Variants in SEMA6D observed in about 807,000 individuals in gnomAD.
SEMA6D encodes the protein semaphorin-6D.
A neutral mutation model predicts 106.6 loss-of-function variants in SEMA6D; 35 were observed. That is an observed-to-expected ratio of 0.33 (90% CI 0.25 to 0.44). The LOEUF (loss-of-function observed/expected upper bound fraction) is 0.44. Ranked by LOEUF, SEMA6D falls within the 20% of genes least tolerant of loss-of-function variation. The pLI is 1.00. For missense variants in SEMA6D, 1,185 were observed against 1,345.9 expected, an observed-to-expected ratio of 0.88 and a Z score of 1.87; for synonymous variants, 499 against 487.7, an observed-to-expected ratio of 1.02 and a Z score of -0.31.
chr15:47,295,969 C>T (rs77592828), intron 1 of SEMA6D, among the ~76,000 whole-genome samples: 1,815 of 152,264 alleles, frequency 0.012, 45 homozygotes, highest in African/African-American at 0.042. Flanking sequence ...GCTCTTCTGC[C>T]AGCTCCCAGA....
intron 1 of SEMA6D, among the ~76,000 whole-genome samples, chr15:47,754,953 ATTT>A (rs11435743): frequency 2.2e-5 from 3 of 136,374 alleles, no homozygotes; most frequent in Non-Finnish European, 3.1e-5. Flanking sequence ...TTTGTTGTTG[ATTT>A]TTTTTTTTTT....
intron 3 of SEMA6D, among the ~76,000 whole-genome samples, chr15:47,563,336 C>T (rs2046134368): frequency 6.6e-6 from 1 of 152,124 alleles, no homozygotes; most frequent in African/African-American, 2.4e-5. Context: ...CATTAAAATT[C>T]AAGAAAACAA....
intron 1 of SEMA6D, among the ~76,000 whole-genome samples, chr15:47,757,183 G>T (rs906195350): frequency 6.6e-6 from 1 of 152,176 alleles, no homozygotes. Flanking sequence ...CTGGGACATG[G>T]ATGTTCTGCT....
chr15:47,773,014 A>G lies in SEMA6D; in HGVS notation c.*1229A>G, dbSNP rs906000935. The G allele has an allele frequency of 2.6e-5, 4 of 152,580 alleles. No individual in the cohort carries two copies. The highest frequency in any genetic ancestry group is 5.9e-5 in the Non-Finnish European group (4 of 68,026). 9.5% of individuals were successfully genotyped at this position (152,580 alleles called of 1,614,324 possible). On this transcript the variant is annotated 3_prime_UTR_variant, in exon 19 of 19. Transcript: ENST00000536845. ...TTATGTGAGAATTTTCTCCTAAGTCATGCAGGTAATGACAATATACTGTAA... is the reference window on the plus strand; with the variant it reads ...TTATGTGAGAATTTTCTCCTAAGTCGTGCAGGTAATGACAATATACTGTAA...
chr15:47,586,386 T>C (rs995746875), intron 3 of SEMA6D, among the ~76,000 whole-genome samples: 2 of 152,182 alleles, frequency 1.3e-5, no homozygotes, highest in Non-Finnish European at 2.9e-5. Flanking sequence ...GAAATCATGG[T>C]CTTGCTTCAT....
rs868077956 is a variant in SEMA6D, at chr15:47,717,916, T to A, written c.-55+224T>A. ...AGTTGATTTATTTTCCAAGCTGCTCTCTCTGCCTGCCGTGCAAGGGACGCG... is the reference window on the plus strand; with the variant it reads ...AGTTGATTTATTTTCCAAGCTGCTCACTCTGCCTGCCGTGCAAGGGACGCG... On this transcript the variant is annotated intron_variant, in intron 1 of 18. Coordinates refer to ENST00000536845, the MANE Select transcript of SEMA6D (RefSeq NM_001358351.3). 3.1e-4 allele frequency among the ~76,000 whole-genome samples: 47 copies of A among 151,834 alleles called. 1 individual carries two copies. In the Middle Eastern group the frequency reaches 0.014, roughly 44 times the overall value.
rs1229920531 is a variant in SEMA6D, at chr15:47,774,144, AT to A, written c.*2361del. 3 of 152,632 alleles carry A rather than the reference AT, an allele frequency of 2.0e-5. No homozygotes were observed. The highest frequency in any genetic ancestry group is 4.4e-5 in the Non-Finnish European group (3 of 68,032). 9.5% of individuals were successfully genotyped at this position (152,632 alleles called of 1,614,324 possible). Reference sequence around the variant, plus strand: ...ATGAATAGATACCTTGTAAACTTGTATTGTGGATGTGTAAATAATATGTACT... The same window carrying A: ...ATGAATAGATACCTTGTAAACTTGTATGTGGATGTGTAAATAATATGTACT... On this transcript the variant is annotated 3_prime_UTR_variant, in exon 19 of 19. Transcript: ENST00000536845.
chr15:47,494,789 T>A (rs7165235), intron 3 of SEMA6D, among the ~76,000 whole-genome samples: 103 of 88,862 alleles, frequency 1.2e-3, no homozygotes, highest in African/African-American at 4.7e-3. Context: ...TATATATATA[T>A]AATCTCCAGA....
At chr15:47,487,992 G>A (rs1423573790) in intron 3 of SEMA6D, among the ~76,000 whole-genome samples, 1 of 152,082 alleles carries the variant, frequency 6.6e-6, no homozygotes, top group African/African-American at 2.4e-5. Flanking sequence ...ATTTATTGAA[G>A]AACTGTCTTT....
chr15:47,446,583 G>T (rs1397189284), intron 2 of SEMA6D, among the ~76,000 whole-genome samples: 2 of 152,124 alleles, frequency 1.3e-5, no homozygotes, highest in African/African-American at 4.8e-5. Context: ...TCAATCTGGT[G>T]TAAAGCGGGT....
intron 4 of SEMA6D, among the ~76,000 whole-genome samples, chr15:47,624,925 G>A (rs1269464462): frequency 6.6e-6 from 1 of 152,144 alleles, no homozygotes; most frequent in Admixed American, 6.5e-5. Context: ...CTGGAGAAGG[G>A]AATTATTGTT....
chr15:47,216,730 C>T (rs2030654585), intron 1 of SEMA6D, among the ~76,000 whole-genome samples: 1 of 151,942 alleles, frequency 6.6e-6, no homozygotes, highest in South Asian at 2.1e-4. Flanking sequence ...ACAAACAATT[C>T]ACATAAGTTC....
intron 1 of SEMA6D, among the ~76,000 whole-genome samples, chr15:47,187,141 C>T (rs1893633149): frequency 6.6e-6 from 1 of 151,954 alleles, no homozygotes; most frequent in Non-Finnish European, 1.5e-5. Flanking sequence ...GGAAAGGGGG[C>T]ATAGAAAATG....
At chr15:47,421,429 TGCTCAGCACTTATGAAGA>T (rs1410878458) in intron 2 of SEMA6D, among the ~76,000 whole-genome samples, 5 of 152,110 alleles carry the variant, frequency 3.3e-5, no homozygotes, top group Admixed American at 6.6e-5. Context: ...TATTTGAAAG[TGCTCAGCACTTATGAAGA>T]GTAGTTCCTA....
intron 1 of SEMA6D, among the ~76,000 whole-genome samples, chr15:47,720,477 AT>A (rs1450719178): frequency 6.6e-6 from 1 of 151,886 alleles, no homozygotes; most frequent in Non-Finnish European, 1.5e-5. Context: ...GGGTTGATGG[AT>A]TTGAAAGATG....
chr15:47,338,065 G>A (rs544150559), intron 1 of SEMA6D, among the ~76,000 whole-genome samples: 3 of 152,114 alleles, frequency 2.0e-5, no homozygotes, highest in African/African-American at 4.8e-5. Context: ...GTAACCTTAC[G>A]CTATCTGAAT....
intron 3 of SEMA6D, among the ~76,000 whole-genome samples, chr15:47,471,904 TTCTCTCTCTC>T (rs375802887): frequency 7.3e-5 from 9 of 123,716 alleles, no homozygotes; most frequent in South Asian, 2.8e-4. Context: ...GCTGTGCTCT[TTCTCTCTCTC>T]TCTCTCTCTC....
intron 1 of SEMA6D, among the ~76,000 whole-genome samples, chr15:47,213,011 G>A (rs1024981954): frequency 6.6e-6 from 1 of 152,064 alleles, no homozygotes; most frequent in Non-Finnish European, 1.5e-5. Flanking sequence ...TTTGGAACCC[G>A]CATAAGGGAT....
chr15:47,384,658 T>C (rs8041603), intron 1 of SEMA6D, among the ~76,000 whole-genome samples: 33,452 of 152,136 alleles, frequency 0.22, 3,962 homozygotes, highest in Middle Eastern at 0.33. Flanking sequence ...AAGCTCCTCC[T>C]TCTGTGTCCC....
Sources: gnomAD v4.1 joint callset for allele counts (sites outside exome capture counted in the v4.1 genomes callset) on GRCh38, gnomAD v4.1.1 for gene constraint, MANE v1.5 for transcripts, NCBI Gene and HGNC (gene_info 2026-07-23, HGNC 2026-07-21) for gene names.